The following EIF4E3 variants were observed in gnomAD, a reference collection of about 807,000 sequenced individuals.
EIF4E3 encodes eukaryotic translation initiation factor 4E family member 3.
EIF4E3 carries 26 observed loss-of-function variants against 31.7 expected under a neutral mutation model. The ratio of observed to expected loss-of-function variants is 0.82; its 90% CI spans 0.60 to 1.14. EIF4E3 has a LOEUF of 1.14. EIF4E3 is among the 50% of genes most tolerant of loss of function. EIF4E3 has a pLI of 0.00. For missense variants in EIF4E3, 304 were observed against 270.9 expected (o/e 1.12, Z -0.86); for synonymous variants, 128 against 107.7 (o/e 1.19, Z -1.17).
intron 1 of EIF4E3, among the ~76,000 whole-genome samples, chr3:71,752,295 G>A (rs1358702295): frequency 6.6e-6 from 1 of 152,118 alleles, no homozygotes; most frequent in East Asian, 1.9e-4. Flanking sequence ...GAAGTTTGAG[G>A]CTCTGGACTA....
At chr3:71,672,022 A>G (rs888090746), downstream of EIF4E3, among the ~76,000 whole-genome samples, 2 of 152,160 alleles carry the variant, frequency 1.3e-5, no homozygotes, top group Non-Finnish European at 2.9e-5. Context: ...GATTTAGCAG[A>G]AGGCTTATTT....
At chr3:71,671,027 G>A (rs1476695732), downstream of EIF4E3, among the ~76,000 whole-genome samples, 2 of 152,116 alleles carry the variant, frequency 1.3e-5, no homozygotes, top group African/African-American at 4.8e-5. Context: ...GAGCTGGTGG[G>A]AATGTTGCTC....
intron 1 of EIF4E3, among the ~76,000 whole-genome samples, chr3:71,736,855 C>G (rs1002115355): frequency 3.3e-5 from 5 of 152,020 alleles, no homozygotes; most frequent in African/African-American, 9.7e-5. Flanking sequence ...AAAAAATGCA[C>G]CCATCTGGTG....
chr3:71,663,060 G>A, the EIF4E3 span, among the ~76,000 whole-genome samples: 6 of 152,056 alleles, frequency 3.9e-5, no homozygotes, highest in African/African-American at 1.4e-4. Flanking sequence ...AACTGAACTT[G>A]AATAGAAAGC....
In EIF4E3 at chr3:71,692,023, C is replaced by T. The variant is rs550702761; in HGVS notation, c.472+1852G>A. 5.3e-5 allele frequency among the ~76,000 whole-genome samples: 8 copies of T among 152,256 alleles called. No homozygotes were observed. The East Asian group carries it at 1.5e-3, about 29-fold the overall frequency. On this transcript the variant is annotated intron_variant, in intron 5 of 6. Transcript: ENST00000425534. ...CAAAGCGTAATGTAACTGATGGATG[C>T]CGAACTGTCAATATTTCAGTTTGGT...
At chr3:71,697,123 C>T (rs1236895570) in intron 3 of EIF4E3, among the ~76,000 whole-genome samples, 2 of 152,126 alleles carry the variant, frequency 1.3e-5, no homozygotes, top group African/African-American at 4.8e-5. Context: ...TCAAGCAATC[C>T]TCCGCCCTCA....
Position 71,681,272 on chromosome 3 carries a change from C to T in EIF4E3, c.*3410G>A, listed in dbSNP as rs2048919066. On this transcript the variant is annotated 3_prime_UTR_variant, in exon 7 of 7. Coordinates refer to ENST00000425534, the MANE Select transcript of EIF4E3 (RefSeq NM_001134651.2). ...TAGGATCTTAAAAAAATTCTACAAA[C>T]ATAGCTGGATAAATTCTGCTGCTGA... 1 of 152,198 alleles carries T rather than the reference C, an allele frequency of 6.6e-6. No individual in the cohort carries two copies. Among genetic ancestry groups the T allele is most frequent in the Non-Finnish European group, 1.5e-5 (1 of 68,036 alleles). The allele number at this position is 152,198 out of a possible 1,614,324, so 9.4% of individuals were successfully genotyped here. A position where few individuals can be genotyped will look rare whatever the true frequency, so the allele number is the denominator to read the frequency against.
At chr3:71,661,230 G>A in the EIF4E3 span, among the ~76,000 whole-genome samples, 19 of 151,290 alleles carry the variant, frequency 1.3e-4, no homozygotes, top group South Asian at 2.1e-4. Flanking sequence ...GAAGAAGAGG[G>A]TTGGGGGGCG....
intron 1 of EIF4E3, among the ~76,000 whole-genome samples, chr3:71,719,839 C>A (rs779624494): frequency 6.6e-6 from 1 of 151,812 alleles, no homozygotes; most frequent in Non-Finnish European, 1.5e-5. Flanking sequence ...CACAGTCAGA[C>A]CCTGTCTCTA....
downstream of EIF4E3, among the ~76,000 whole-genome samples, chr3:71,673,582 C>T (rs2048857219): frequency 6.6e-6 from 1 of 151,668 alleles, no homozygotes. Flanking sequence ...TGACAACATT[C>T]AAACATTCCT....
At chr3:71,691,429 T>G (rs995639297) in intron 5 of EIF4E3, among the ~76,000 whole-genome samples, 10 of 152,228 alleles carry the variant, frequency 6.6e-5, no homozygotes, top group Non-Finnish European at 1.5e-4. Flanking sequence ...TTCTTTTCTT[T>G]TTTAAAATGA....
At chr3:71,715,264 G>C (rs1054326498) in intron 1 of EIF4E3, among the ~76,000 whole-genome samples, 1 of 152,180 alleles carries the variant, frequency 6.6e-6, no homozygotes, top group African/African-American at 2.4e-5. Flanking sequence ...AACCCTCCTG[G>C]CAATGTTTAA....
At chr3:71,732,586 C>T (rs1297905581) in intron 1 of EIF4E3, among the ~76,000 whole-genome samples, 4 of 152,200 alleles carry the variant, frequency 2.6e-5, no homozygotes, top group Non-Finnish European at 5.9e-5. Flanking sequence ...TCATGTGCAA[C>T]CCTGTAATAA....
At chr3:71,698,829 A>G (rs918459676) in intron 3 of EIF4E3, among the ~76,000 whole-genome samples, 1 of 152,236 alleles carries the variant, frequency 6.6e-6, no homozygotes, top group African/African-American at 2.4e-5. Flanking sequence ...GGGGACCATC[A>G]GATTCCTGAT....
At chr3:71,708,848 C>G (rs1032787823) in intron 2 of EIF4E3, among the ~76,000 whole-genome samples, 3 of 152,174 alleles carry the variant, frequency 2.0e-5, no homozygotes, top group Non-Finnish European at 4.4e-5. Context: ...TTTCTCTGGA[C>G]AGTGGTGCTG....
At chr3:71,749,150 A>C (rs1433782075) in intron 1 of EIF4E3, among the ~76,000 whole-genome samples, 1 of 152,226 alleles carries the variant, frequency 6.6e-6, no homozygotes, top group African/African-American at 2.4e-5. Context: ...ATCTCATTTA[A>C]TTGAATCTTC....
upstream of EIF4E3, among the ~76,000 whole-genome samples, chr3:71,725,871 T>G (rs1018349004): frequency 3.3e-5 from 5 of 151,396 alleles, no homozygotes; most frequent in East Asian, 9.7e-4. This position sits in a 1 kb window ranked among gnomAD's most constrained non-coding sequence, Gnocchi z 6.1. Flanking sequence ...GTCAGAAGGA[T>G]GGAGTGAAGG....
At chr3:71,751,548 A>C (rs2049929384) in intron 1 of EIF4E3, among the ~76,000 whole-genome samples, 3 of 152,242 alleles carry the variant, frequency 2.0e-5, no homozygotes, top group Admixed American at 2.0e-4. Context: ...AGGCAGCCCA[A>C]GCGCTAAGGG....
intron 1 of EIF4E3, among the ~76,000 whole-genome samples, chr3:71,719,575 G>A (rs1305646936): frequency 1.3e-5 from 2 of 151,980 alleles, no homozygotes; most frequent in Non-Finnish European, 2.9e-5. Context: ...AGCACCTACT[G>A]TGTACCAGGC....
Sources: gnomAD v4.1 joint callset for allele counts (sites outside exome capture counted in the v4.1 genomes callset) on GRCh38, gnomAD v4.1.1 for gene constraint, Gnocchi (gnomAD v3.1) non-coding constraint, MANE v1.5 for transcripts, NCBI Gene and HGNC (gene_info 2026-07-23, HGNC 2026-07-21) for gene names.